Variants in ZFHX3 observed in about 807,000 individuals in gnomAD.
The protein encoded by ZFHX3 is zinc finger homeobox 3.
ZFHX3 carries 42 observed loss-of-function variants against 279.1 expected under a neutral mutation model. That is an observed-to-expected ratio of 0.15 (90% CI 0.12 to 0.19). The LOEUF (loss-of-function observed/expected upper bound fraction) is 0.19. Ranked by LOEUF, ZFHX3 falls within the 10% of genes least tolerant of loss-of-function variation. The pLI is 1.00. For synonymous variants in ZFHX3, 2,293 were observed against 1,957.8 expected, an observed-to-expected ratio of 1.17 and a Z score of -4.52; for missense variants, 4,981 against 4,754.0, an observed-to-expected ratio of 1.05 and a Z score of -1.40.
intron 5 of ZFHX3, among the ~76,000 whole-genome samples, chr16:73,219,228 G>A (rs1350793190): frequency 6.6e-6 from 1 of 152,124 alleles, no homozygotes; most frequent in Non-Finnish European, 1.5e-5. Context: ...TGTGGTTTTT[G>A]CTTCTCCTTA....
At chr16:73,159,378 CTT>C (rs140613021) in intron 5 of ZFHX3, among the ~76,000 whole-genome samples, 1 of 152,130 alleles carries the variant, frequency 6.6e-6, no homozygotes, top group Non-Finnish European at 1.5e-5. Flanking sequence ...GGCCATATGA[CTT>C]TTTTTCGGCC....
At position 73,546,428 on chromosome 16, in the gene ZFHX3, G is replaced by A. The variant is rs189410494; in HGVS notation, c.-1546-90170C>T. ...TGTGATGCTGGAGGTAGTTTGGGTA[G>A]CTGTTTATTAAGAGGACAGAGTTGG... On this transcript the variant is annotated intron_variant, in intron 2 of 17. Transcript: ENST00000641206. Among the ~76,000 whole-genome samples, 420 of 149,512 alleles carry A rather than the reference G, an allele frequency of 2.8e-3. 1 individual carries two copies. Among genetic ancestry groups the A allele is most frequent in the Admixed American group, 5.1e-3 (76 of 14,880 alleles).
chr16:72,978,902 T>G (rs1400139803), intron 1 of ZFHX3, among the ~76,000 whole-genome samples: 1 of 152,210 alleles, frequency 6.6e-6, no homozygotes, highest in East Asian at 1.9e-4. Flanking sequence ...GCTAGGTGCT[T>G]ACCATGCCCA....
At chr16:72,806,506 A>G (rs1008825394) in intron 7 of ZFHX3, among the ~76,000 whole-genome samples, 1 of 152,182 alleles carries the variant, frequency 6.6e-6, no homozygotes, top group African/African-American at 2.4e-5. Context: ...AATGGCTATC[A>G]TCTCACAGGG....
intron 7 of ZFHX3, among the ~76,000 whole-genome samples, chr16:73,108,516 A>T (rs1290769350): frequency 1.3e-5 from 2 of 151,884 alleles, no homozygotes; most frequent in African/African-American, 4.8e-5. Context: ...TGATCCTCCC[A>T]CCTTGACCTC....
chr16:73,254,479 T>C (rs553518222), intron 5 of ZFHX3, among the ~76,000 whole-genome samples: 2 of 152,084 alleles, frequency 1.3e-5, no homozygotes, highest in African/African-American at 4.8e-5. Flanking sequence ...GAGGTGTGAC[T>C]ACAAAGATGT....
intron 2 of ZFHX3, among the ~76,000 whole-genome samples, chr16:73,574,383 A>C (rs545456712): frequency 6.6e-6 from 1 of 152,180 alleles, no homozygotes; most frequent in South Asian, 2.1e-4. Flanking sequence ...CCTACTTTTC[A>C]ACAAGATTCT....
chr16:73,247,014 A>G (rs2013300910), intron 5 of ZFHX3, among the ~76,000 whole-genome samples: 1 of 152,108 alleles, frequency 6.6e-6, no homozygotes, highest in Non-Finnish European at 1.5e-5. Flanking sequence ...GTGTGCCTAT[A>G]TGCGTGTGTG....
chr16:72,788,758 G>C lies in ZFHX3; in HGVS notation c.9518C>G (p.Pro3173Arg), dbSNP rs753839132. The C allele has an allele frequency of 6.4e-7, 1 of 1,570,510 alleles. No individual in the cohort carries two copies. Among genetic ancestry groups the C allele is most frequent in the Non-Finnish European group, 8.6e-7 (1 of 1,159,782 alleles). The change falls in exon 10 of 10, where the codon CCG (proline) becomes CGG (arginine). Residue 3173 changes from proline to arginine, a missense_variant. Physicochemically the swap from Pro to Arg is moderately radical, Grantham distance 103 (BLOSUM62 -2). Transcript: ENST00000268489. ...GLPTSGLPNK[P>R]SSASLSSPTP... is the part of the protein sequence containing the mutation. ...TGGGGAGCTCAGCGACGCTGAGGAC[G>C]GTTTATTTGGTAATCCAGAAGTGGG...
chr16:73,383,431 A>T (rs769089877), intron 3 of ZFHX3, among the ~76,000 whole-genome samples: 1 of 152,190 alleles, frequency 6.6e-6, no homozygotes, highest in Non-Finnish European at 1.5e-5. Flanking sequence ...CGCTTTTTCA[A>T]ATGTAAAATA....
At chr16:73,066,008 G>T (rs891012493) in intron 8 of ZFHX3, among the ~76,000 whole-genome samples, 2 of 152,182 alleles carry the variant, frequency 1.3e-5, no homozygotes, top group East Asian at 3.9e-4. Flanking sequence ...CCCCACGGCC[G>T]GCAGGAGTCC....
intron 2 of ZFHX3, among the ~76,000 whole-genome samples, chr16:73,635,985 C>T (rs76609878): frequency 0.059 from 8,909 of 152,248 alleles, 345 homozygotes; most frequent in Non-Finnish European, 0.085. Context: ...GTCATTTCCT[C>T]TTAGCATCAC....
chr16:73,839,546 C>G (rs966213884), intron 1 of ZFHX3, among the ~76,000 whole-genome samples: 1 of 152,064 alleles, frequency 6.6e-6, no homozygotes, highest in Non-Finnish European at 1.5e-5. Flanking sequence ...AGAAAAACAT[C>G]AGTTCAATGG....
At chr16:73,328,105 A>G (rs935956685) in intron 3 of ZFHX3, among the ~76,000 whole-genome samples, 2 of 152,280 alleles carry the variant, frequency 1.3e-5, no homozygotes, top group African/African-American at 4.8e-5. Flanking sequence ...AAGGCAGAGC[A>G]ACTCAGGGTC....
At chr16:73,525,628 T>C (rs2019677983) in intron 2 of ZFHX3, among the ~76,000 whole-genome samples, 2 of 152,244 alleles carry the variant, frequency 1.3e-5, no homozygotes, top group South Asian at 2.1e-4. Flanking sequence ...AAGATACCAC[T>C]AAGTCTAAAT....
At chr16:73,442,361 C>CT (rs34507954) in intron 3 of ZFHX3, among the ~76,000 whole-genome samples, 12,555 of 144,570 alleles carry the variant, frequency 0.087, 919 homozygotes, top group East Asian at 0.46. Flanking sequence ...CCCATTTCCT[C>CT]TTTTTTTTTT....
intron 2 of ZFHX3, among the ~76,000 whole-genome samples, chr16:73,542,366 AT>A (rs925313147): frequency 1.5e-4 from 22 of 150,434 alleles, no homozygotes; most frequent in Middle Eastern, 3.4e-3. Context: ...AACATGCAGA[AT>A]TTTTTTTTTC....
chr16:73,004,957 G>C (rs59288483), intron 1 of ZFHX3, among the ~76,000 whole-genome samples: 32,993 of 151,990 alleles, frequency 0.22, 4,293 homozygotes, highest in East Asian at 0.64. Flanking sequence ...TAATTTTTCC[G>C]CCATTTGGCT....
chr16:72,927,813 G>C (rs1227205621), intron 3 of ZFHX3, among the ~76,000 whole-genome samples: 1 of 151,984 alleles, frequency 6.6e-6, no homozygotes, highest in Non-Finnish European at 1.5e-5. Flanking sequence ...CCTTTGAGTG[G>C]CTCATGTATT....
Sources: gnomAD v4.1 joint callset for allele counts (sites outside exome capture counted in the v4.1 genomes callset) on GRCh38, gnomAD v4.1.1 for gene constraint, MANE v1.5 for transcripts, NCBI Gene and HGNC (gene_info 2026-07-23, HGNC 2026-07-21) for gene names.